The following EXT1 variants were observed in gnomAD, a reference collection of about 807,000 sequenced individuals.
EXT1 encodes the protein exostosin glycosyltransferase 1.
In EXT1, 20 loss-of-function variants were observed where a neutral mutation model predicts 82.5. The ratio of observed to expected loss-of-function variants is 0.24; its 90% confidence interval spans 0.17 to 0.35. EXT1 has a LOEUF of 0.35. Among genes scored for constraint, EXT1 ranks in the 10% least tolerant of loss-of-function variants. The pLI is 1.00. For missense variants in EXT1, 757 were observed against 936.5 expected (o/e 0.81, Z 2.50); for synonymous variants, 348 against 350.8 (o/e 0.99, Z 0.09).
chr8:118,106,726 C>CA (rs1020474063), intron 1 of EXT1, among the ~76,000 whole-genome samples: 9 of 152,082 alleles, frequency 5.9e-5, no homozygotes, highest in African/African-American at 2.2e-4. Flanking sequence ...GAAGTTCATG[C>CA]AAAAGTACAA....
chr8:117,961,395 G>A (rs1394486859), intron 1 of EXT1, among the ~76,000 whole-genome samples: 2 of 152,044 alleles, frequency 1.3e-5, no homozygotes, highest in African/African-American at 4.8e-5. Flanking sequence ...ATGGGCCTTA[G>A]GATAAAAAAA....
intron 1 of EXT1, among the ~76,000 whole-genome samples, chr8:117,929,241 G>T (rs1014847154): frequency 6.6e-6 from 1 of 152,184 alleles, no homozygotes; most frequent in Non-Finnish European, 1.5e-5. Flanking sequence ...TCCAAGGAAG[G>T]TAAAGAAACG....
At chr8:117,959,439 G>A (rs774519434) in intron 1 of EXT1, among the ~76,000 whole-genome samples, 4 of 152,312 alleles carry the variant, frequency 2.6e-5, no homozygotes, top group Admixed American at 6.5e-5. Flanking sequence ...GGCCAGAAGC[G>A]TCTTCAAATT....
intron 1 of EXT1, among the ~76,000 whole-genome samples, chr8:118,091,778 C>CTT (rs1817529224): frequency 7.2e-6 from 1 of 139,522 alleles, no homozygotes; most frequent in Non-Finnish European, 1.6e-5. Context: ...TCTAACTCTC[C>CTT]CTCTCTCTCT....
At chr8:117,965,239 T>C (rs1814785793) in intron 1 of EXT1, among the ~76,000 whole-genome samples, 1 of 152,128 alleles carries the variant, frequency 6.6e-6, no homozygotes, top group African/African-American at 2.4e-5. Context: ...TTTTCTTTAG[T>C]CCTAAGCACA....
chr8:118,048,871 A>G (rs2129919223), intron 1 of EXT1, among the ~76,000 whole-genome samples: 1 of 152,346 alleles, frequency 6.6e-6, no homozygotes, highest in Admixed American at 6.5e-5. Flanking sequence ...GATCCAAGGA[A>G]TGAATATTAT....
At chr8:118,037,801 C>CTAGATCTTTCTTTG (rs886229670) in intron 1 of EXT1, among the ~76,000 whole-genome samples, 5 of 146,538 alleles carry the variant, frequency 3.4e-5, no homozygotes, top group African/African-American at 1.0e-4. Flanking sequence ...GTTTTTAATT[C>CTAGATCTTTCTTTG]TAGATCTTTC....
At chr8:118,054,973 A>AT (rs1816774018) in intron 1 of EXT1, among the ~76,000 whole-genome samples, 1 of 143,364 alleles carries the variant, frequency 7.0e-6, no homozygotes, top group Non-Finnish European at 1.5e-5. Context: ...TATATATATA[A>AT]ATTTTTTAAC....
chr8:118,048,323 A>G (rs1816655330), intron 1 of EXT1, among the ~76,000 whole-genome samples: 1 of 152,224 alleles, frequency 6.6e-6, no homozygotes. Context: ...CACTCCAACC[A>G]TCCCACAAGG....
intron 1 of EXT1, among the ~76,000 whole-genome samples, chr8:117,961,011 T>C (rs1250462629): frequency 6.6e-6 from 1 of 152,142 alleles, no homozygotes; most frequent in African/African-American, 2.4e-5. Context: ...TCATAAACTC[T>C]TTTGTGGGAA....
At chr8:117,865,215 T>TG (rs1292245587) in intron 1 of EXT1, among the ~76,000 whole-genome samples, 2 of 152,218 alleles carry the variant, frequency 1.3e-5, no homozygotes, top group African/African-American at 4.8e-5. Flanking sequence ...TCGCTCAGGC[T>TG]GGTGTACAGT....
intron 1 of EXT1, among the ~76,000 whole-genome samples, chr8:117,875,454 A>G (rs546060038): frequency 6.6e-6 from 1 of 150,440 alleles, no homozygotes; most frequent in East Asian, 2.0e-4. Flanking sequence ...ATAAATAAAT[A>G]AATAAATAAA....
At chr8:118,077,016 C>G (rs1031422128) in intron 1 of EXT1, among the ~76,000 whole-genome samples, 2 of 152,064 alleles carry the variant, frequency 1.3e-5, no homozygotes, top group African/African-American at 4.8e-5. Context: ...AAAGAAACAA[C>G]ACACAGAAAA....
At chr8:118,026,274 A>C (rs1346814944) in intron 1 of EXT1, among the ~76,000 whole-genome samples, 2 of 152,252 alleles carry the variant, frequency 1.3e-5, no homozygotes, top group Non-Finnish European at 2.9e-5. Flanking sequence ...CTAATGGGGA[A>C]AACAGCACAC....
chr8:117,851,616 G>GAC (rs35686154), intron 1 of EXT1, among the ~76,000 whole-genome samples: 3,411 of 147,970 alleles, frequency 0.023, 96 homozygotes, highest in African/African-American at 0.067. Context: ...AATTTAGCTG[G>GAC]ACACACACAC....
chr8:117,897,580 G>T (rs960894407), intron 1 of EXT1, among the ~76,000 whole-genome samples: 1 of 133,558 alleles, frequency 7.5e-6, no homozygotes, highest in Non-Finnish European at 1.6e-5. Flanking sequence ...CCATTGCCGG[G>T]CTTCTTTTCT....
chr8:118,042,406 T>C (rs1816549735), intron 1 of EXT1, among the ~76,000 whole-genome samples: 1 of 152,154 alleles, frequency 6.6e-6, no homozygotes, highest in Non-Finnish European at 1.5e-5. Context: ...TGATTTTTCC[T>C]GCCTCTGCCT....
chr8:117,863,777 G>GTT (rs1227551754), intron 1 of EXT1, among the ~76,000 whole-genome samples: 3 of 152,100 alleles, frequency 2.0e-5, no homozygotes, highest in African/African-American at 7.2e-5. Context: ...TGTCAGCAAC[G>GTT]CAGGGTGAGG....
intron 4 of EXT1, among the ~76,000 whole-genome samples, chr8:117,827,657 A>G (rs941550151): frequency 6.6e-6 from 1 of 151,840 alleles, no homozygotes; most frequent in African/African-American, 2.4e-5. Context: ...TCCATGGCGC[A>G]TGCTTGTAAT....
Sources: gnomAD v4.1 joint callset for allele counts (sites outside exome capture counted in the v4.1 genomes callset) on GRCh38, gnomAD v4.1.1 for gene constraint, MANE v1.5 for transcripts, NCBI Gene and HGNC (gene_info 2026-07-23, HGNC 2026-07-21) for gene names.